Variants in CENPI observed in about 807,000 individuals in gnomAD.
The protein encoded by CENPI is centromere protein I, also known as FSH primary response 1.
In CENPI, 4 loss-of-function variants were observed where a neutral mutation model predicts 60.4. The observed-to-expected ratio is 0.07, with a 90% confidence interval of 0.03 to 0.15. The LOEUF (loss-of-function observed/expected upper bound fraction) is 0.15. Among genes scored for constraint, CENPI ranks in the 10% least tolerant of loss-of-function variants. The probability of loss-of-function intolerance (pLI) is 1.00; values close to 1 mark genes in which losing one functional copy is unlikely to be tolerated. For synonymous variants in CENPI, 157 were observed against 189.4 expected, an observed-to-expected ratio of 0.83 and a Z score of 1.40; for missense variants, 444 against 534.5, an observed-to-expected ratio of 0.83 and a Z score of 1.67.
intron 4 of CENPI, 87 bp downstream of exon 4, chrX:101,102,498 C>T (rs867650649): frequency 1.2e-3 from 237 of 190,376 alleles, no homozygotes; most frequent in Non-Finnish European, 1.5e-3. Context: ...TATATATATA[C>T]ACACACACAC....
At chrX:101,119,250 C>G (rs1303137257) in intron 6 of CENPI, among the ~76,000 whole-genome samples, 1 of 112,198 alleles carries the variant, frequency 8.9e-6, no homozygotes, top group Non-Finnish European at 1.9e-5. Flanking sequence ...CTTTCTCAAA[C>G]CATTTCTAAG....
Position 101,102,270 on chromosome X carries a change from T to C in CENPI, c.227-4T>C. ...TCACTATTTAATATTGTTTCTTTTT[T>C]CAGGTCCCATTAAAGCTTCACAGAA... On this transcript the variant is annotated splice_region_variant and splice_polypyrimidine_tract_variant and intron_variant, in intron 3 of 21. Coordinates refer to ENST00000682095, the MANE Select transcript of CENPI (RefSeq NM_001386188.2). 1 of 1,155,727 alleles carries C rather than the reference T, an allele frequency of 8.7e-7. No homozygotes were observed. The highest frequency in any genetic ancestry group is 1.2e-6 in the Non-Finnish European group (1 of 861,854).
intron 4 of CENPI, 105 bp downstream of exon 4, chrX:101,102,516 C>CACATACAT (rs778560144): frequency 5.1e-6 from 1 of 196,773 alleles, no homozygotes; most frequent in Non-Finnish European, 8.8e-6. Flanking sequence ...CACACACACA[C>CACATACAT]ATATATATAT....
intron 15 of CENPI, among the ~76,000 whole-genome samples, chrX:101,136,988 C>T (rs1267890903): frequency 9.0e-6 from 1 of 111,166 alleles, no homozygotes; most frequent in Non-Finnish European, 1.9e-5. Context: ...TCATAGCTCA[C>T]TGTAACCTTG....
intron 8 of CENPI, among the ~76,000 whole-genome samples, chrX:101,121,905 C>T (rs13441090): frequency 0.14 from 14,477 of 103,364 alleles, 795 homozygotes; most frequent in Middle Eastern, 0.22. Context: ...CGGGTTCAAG[C>T]GATTCTCCTG....
chrX:101,112,030 CA>C (rs949206014), intron 6 of CENPI, among the ~76,000 whole-genome samples: 12 of 107,522 alleles, frequency 1.1e-4, no homozygotes, highest in African/African-American at 4.1e-4. Flanking sequence ...GACTCTGTCT[CA>C]AAAAAAAAGA....
intron 5 of CENPI, 142 bp downstream of exon 5, chrX:101,109,733 T>C (rs2089531645): frequency 7.0e-6 from 4 of 569,994 alleles, no homozygotes; most frequent in Non-Finnish European, 1.2e-5. Context: ...GCAAGGACTA[T>C]GTTCAAACAG....
At chrX:101,175,399 T>C in the CENPI span, among the ~76,000 whole-genome samples, 1 of 112,233 alleles carries the variant, frequency 8.9e-6, no homozygotes, top group Non-Finnish European at 1.9e-5. Context: ...ACTTAGCCTC[T>C]ACAGTTGCAG....
At chrX:101,103,087 C>T (rs1313042873) in intron 4 of CENPI, among the ~76,000 whole-genome samples, 2 of 106,892 alleles carry the variant, frequency 1.9e-5, no homozygotes, top group South Asian at 4.2e-4. Flanking sequence ...CTCCACTTTC[C>T]GGGTTCAAGC....
At position 101,159,942 on chromosome X, in the gene CENPI, T is replaced by G. The variant is rs192993982; in HGVS notation, c.2095-1586T>G. Among the ~76,000 whole-genome samples the G allele has an allele frequency of 2.7e-5, 3 of 112,679 alleles. No individual in the cohort carries two copies. The Admixed American group carries it at 2.8e-4, about 11-fold the overall frequency. On this transcript the variant is annotated intron_variant, in intron 20 of 21. Transcript: ENST00000682095. ...TTGTTAGATATCCAAGAAAAAAATG[T>G]AAGTAGTCAGTTGGGGCTTGGTGTT...
At chrX:101,102,450 C>G in intron 4 of CENPI, 39 bp downstream of exon 4, 2 of 982,581 alleles carry the variant, frequency 2.0e-6, no homozygotes, top group Non-Finnish European at 2.7e-6. Context: ...TTTAACTCAC[C>G]TAGCACCTAT....
At chrX:101,119,113 G>A (rs2089651214) in intron 6 of CENPI, among the ~76,000 whole-genome samples, 1 of 111,680 alleles carries the variant, frequency 9.0e-6, no homozygotes, top group Non-Finnish European at 1.9e-5. Flanking sequence ...CCGGGAGGCG[G>A]AGGTTGCAGT....
At chrX:101,159,089 G>A (rs2090081181) in intron 20 of CENPI, among the ~76,000 whole-genome samples, 1 of 111,702 alleles carries the variant, frequency 9.0e-6, no homozygotes, top group Non-Finnish European at 1.9e-5. Flanking sequence ...GACAGAAATG[G>A]ACTGCTTTGA....
rs778560144 is a variant in CENPI at position 101,102,516 on chromosome X, C to CACACACACACACACACAT, written c.364+106_364+107insCACACACACACACACATA. The CACACACACACACACACAT allele has an allele frequency of 7.9e-3, 1,661 of 209,470 alleles. 14 individuals are homozygous for CACACACACACACACACAT. Among genetic ancestry groups the CACACACACACACACACAT allele is most frequent in the African/African-American group, 0.013 (363 of 28,958 alleles). The allele number at this position is 209,470 out of a possible 1,213,427, so 17.3% of individuals were successfully genotyped here. ...ATATATACACACACACACACACACA[C>CACACACACACACACACAT]ATATATATATATACTTTTTTTTATA... On this transcript the variant is annotated intron_variant, in intron 4 of 21. Coordinates refer to ENST00000682095, the MANE Select transcript of CENPI (RefSeq NM_001386188.2).
intron 13 of CENPI, 35 bp downstream of exon 13, chrX:101,130,108 C>A: frequency 1.0e-6 from 1 of 975,202 alleles, no homozygotes; most frequent in Non-Finnish European, 1.5e-6. Flanking sequence ...CTCTCCACCA[C>A]TCTTTACTAA....
chrX:101,141,369 T>C (rs1210014507), intron 16 of CENPI: 1 of 111,530 alleles, frequency 9.0e-6, no homozygotes. Flanking sequence ...TGAGACAGTC[T>C]TACTCTGTCA....
intron 6 of CENPI, among the ~76,000 whole-genome samples, chrX:101,112,219 T>C (rs1039432008): frequency 9.0e-6 from 1 of 111,722 alleles, no homozygotes; most frequent in Non-Finnish European, 1.9e-5. Context: ...TCTGCCACTA[T>C]GAACCTGACA....
intron 20 of CENPI, among the ~76,000 whole-genome samples, chrX:101,158,632 CTT>C (rs762674216): frequency 1.8e-4 from 16 of 88,191 alleles, no homozygotes; most frequent in African/African-American, 8.3e-5. Context: ...ATAGAGATCA[CTT>C]TTTTTTTTTT....
At chrX:101,142,380 A>G (rs1450164578) in intron 16 of CENPI, among the ~76,000 whole-genome samples, 1 of 112,278 alleles carries the variant, frequency 8.9e-6, no homozygotes, top group Non-Finnish European at 1.9e-5. Context: ...AATATTTGGC[A>G]TTATATAGTA....
Sources: gnomAD v4.1 joint callset for allele counts (sites outside exome capture counted in the v4.1 genomes callset) on GRCh38, gnomAD v4.1.1 for gene constraint, MANE v1.5 for transcripts, NCBI Gene and HGNC (gene_info 2026-07-23, HGNC 2026-07-21) for gene names.